The following TGFB1I1 variants were observed in gnomAD, a reference collection of about 807,000 sequenced individuals.
TGFB1I1 encodes the protein transforming growth factor beta-1-induced transcript 1 protein.
TGFB1I1 carries 33 observed loss-of-function variants against 52.0 expected under a neutral mutation model. That is an observed-to-expected ratio of 0.63 (90% CI 0.48 to 0.85). The LOEUF (loss-of-function observed/expected upper bound fraction) is 0.85, where lower values mean the gene tolerates loss of function less well. TGFB1I1 is among the 40% of genes least tolerant of loss of function. The probability of loss-of-function intolerance (pLI) is 0.00; values close to 1 mark genes in which losing one functional copy is unlikely to be tolerated. For missense variants in TGFB1I1, 577 were observed against 614.9 expected (o/e 0.94, Z 0.65); for synonymous variants, 236 against 253.3 (o/e 0.93, Z 0.65).
Position 31,473,486 on chromosome 16 carries a change from G to T in TGFB1I1, c.59G>T (p.Arg20Met), listed in dbSNP as rs138308548. ...DLETTTSHMP[R>M]SGAPKERPAE... ...GAGACTACCACCTCGCACATGCCAA[G>T]GTCAGGGGCTCCCAAAGAGCGCCCT... Residue 20 changes from arginine to methionine, a missense_variant, in exon 2 of 11, where the codon AGG becomes ATG. By Grantham distance (91) the Arg-to-Met change is moderately conservative. This residue lies in a region of TGFB1I1 where 113 missense variants were observed against 123.9 expected (regional missense o/e 0.91). Transcript: ENST00000394863. The T allele has an allele frequency of 7.7e-5, 124 of 1,613,792 alleles. No individual in the cohort carries two copies. The highest frequency in any genetic ancestry group is 1.0e-4 in the Non-Finnish European group (118 of 1,180,018).
Position 31,476,322 on chromosome 16 carries a change from C to A in TGFB1I1, c.888+137C>A. On this transcript the variant is annotated intron_variant, in intron 8 of 10. Coordinates refer to ENST00000394863, the MANE Select transcript of TGFB1I1 (RefSeq NM_001042454.3). This position sits in a 1 kb window ranked among gnomAD's most constrained non-coding sequence, Gnocchi z 7.6. ...CCCTTCCCCTTGGCAATGTCCACGG[C>A]CCCTTGGACTCCACTCTTCCTTTCT... The A allele has an allele frequency of 7.9e-7, 1 of 1,272,588 alleles. No homozygotes were observed. The highest frequency in any genetic ancestry group is 1.1e-6 in the Non-Finnish European group (1 of 924,878). 78.8% of individuals were successfully genotyped at this position (1,272,588 alleles called of 1,614,324 possible). A position where few individuals can be genotyped will look rare whatever the true frequency, so the allele number is the denominator to read the frequency against.
chr16:31,475,058 ATC>A, intron 7 of TGFB1I1: 5 of 381,482 alleles, frequency 1.3e-5, no homozygotes, highest in Non-Finnish European at 1.9e-5. Flanking sequence ...TCCACCCAAT[ATC>A]TCTCAGGCAT....
chr16:31,474,018 A>C lies in TGFB1I1; in HGVS notation c.325+41A>C. 3.7e-6 allele frequency: 3 copies of C among 816,688 alleles called. No individual in the cohort carries two copies. Among genetic ancestry groups the C allele is most frequent in the Non-Finnish European group, 5.9e-6 (3 of 507,070 alleles). 50.6% of individuals were successfully genotyped at this position (816,688 alleles called of 1,614,324 possible). On this transcript the variant is annotated intron_variant, in intron 4 of 10. Transcript: ENST00000394863. This position sits in a 1 kb window ranked among gnomAD's most constrained non-coding sequence, Gnocchi z 4.2. The stretch of plus-strand genomic sequence containing the variant: ...AGAGAGGCCTTGATGCGATAGGGGC[A>C]GGGGAGGGAAGGGTGGGGCAGAGAC...
In TGFB1I1 at chr16:31,477,627, G is replaced by A. The variant is rs1394887890; in HGVS notation, c.*51G>A. 1.3e-6 allele frequency: 2 copies of A among 1,533,476 alleles called. No individual in the cohort carries two copies. Among genetic ancestry groups the A allele is most frequent in the Middle Eastern group, 1.8e-4 (1 of 5,446 alleles). 95.0% of individuals were successfully genotyped at this position (1,533,476 alleles called of 1,614,324 possible). A position where few individuals can be genotyped will look rare whatever the true frequency, so the allele number is the denominator to read the frequency against. ...CCGGAGGCCGCGCCCTCCCGGAAAA[G>A]CCGGGTCCTCCAGACCCCGAGGCCT... On this transcript the variant is annotated 3_prime_UTR_variant, in exon 11 of 11. Coordinates refer to ENST00000394863, the MANE Select transcript of TGFB1I1 (RefSeq NM_001042454.3). This position sits in a 1 kb window ranked among gnomAD's most constrained non-coding sequence, Gnocchi z 4.7.
At position 31,473,884 on chromosome 16, in the gene TGFB1I1, C is replaced by T; in HGVS notation, c.232C>T (p.Pro78Ser). Residue 78 changes from proline (P) to serine (S), a missense_variant, in exon 4 of 11, where the codon CCA becomes TCA. Physicochemically the swap from Pro to Ser is moderately conservative, Grantham distance 74 (BLOSUM62 -1). Transcript: ENST00000394863. ...AAAGCCTGCAGCCCCGGCGGCCCCT[C>T]CATTCTCCTCTTCCAGCGGTGTCTT... Reference protein sequence around the residue: ...SPKPAAPAAPPFSSSSGVLGT... With the variant: ...SPKPAAPAAPSFSSSSGVLGT... 1 of 1,614,138 alleles carries T rather than the reference C, an allele frequency of 6.2e-7. No homozygotes were observed. The highest frequency in any genetic ancestry group is 8.5e-7 in the Non-Finnish European group (1 of 1,180,034).
Position 31,473,528 on chromosome 16 carries a change from C to G in TGFB1I1, c.101C>G (p.Pro34Arg). The stretch of plus-strand genomic sequence containing the variant: ...GAGCGCCCTGCGGAGCCTCTCACCC[C>G]TCCCCCATCCTATGGCCACCAGCCA... ...PKERPAEPLTPPPSYGHQPQT... is the reference protein window; with the variant it reads ...PKERPAEPLTRPPSYGHQPQT... The change falls in exon 2 of 11, where the codon CCT becomes CGT. Residue 34 changes from proline (P) to arginine (R), a missense_variant. Pro to Arg is a moderately radical substitution (Grantham distance 103). Around this residue, in one of 3 missense-constraint regions of TGFB1I1, gnomAD observed 113 missense variants for 123.9 expected, o/e 0.91. Coordinates refer to ENST00000394863, the MANE Select transcript of TGFB1I1 (RefSeq NM_001042454.3). 6.2e-6 allele frequency: 10 copies of G among 1,613,860 alleles called. No individual in the cohort carries two copies. The highest frequency in any genetic ancestry group is 8.5e-6 in the Non-Finnish European group (10 of 1,180,012).
In TGFB1I1 at chr16:31,474,666, TG is replaced by T; in HGVS notation, c.627del (p.Leu210CysfsTer31). ...PTGKGSLDTMLGLLQSDLSRR... is the reference protein window; with the variant it reads ...PTGKGSLDTMXGLLQSDLSRR... Reference sequence around the variant, plus strand: ...GGCAAGGGCAGCCTAGACACCATGCTGGGGCTGCTGCAGTCCGACCTCAGCC... The same window carrying T: ...GGCAAGGGCAGCCTAGACACCATGCTGGGCTGCTGCAGTCCGACCTCAGCC... On this transcript the variant is annotated frameshift_variant, in exon 7 of 11. Coordinates refer to ENST00000394863, the MANE Select transcript of TGFB1I1 (RefSeq NM_001042454.3). LOFTEE classifies it high-confidence loss of function. The surrounding 1 kb of genome is among the most constrained non-coding windows in gnomAD (Gnocchi z 4.2). The T allele has an allele frequency of 1.9e-6, 3 of 1,613,410 alleles. No homozygotes were observed. In the South Asian group the frequency reaches 3.3e-5, roughly 18 times the overall value.
Position 31,476,629 on chromosome 16 carries a change from C to T in TGFB1I1, c.970+67C>T. The T allele has an allele frequency of 1.3e-6, 2 of 1,538,218 alleles. No homozygotes were observed. The highest frequency in any genetic ancestry group is 8.9e-7 in the Non-Finnish European group (1 of 1,127,228). Reference sequence around the variant, plus strand: ...CCTCGACGTCTCGCCCCAGCCCCTCCGACCTCCGGAGTCCTCAGGGCCATG... The same window carrying T: ...CCTCGACGTCTCGCCCCAGCCCCTCTGACCTCCGGAGTCCTCAGGGCCATG... On this transcript the variant is annotated intron_variant, in intron 9 of 10. Coordinates refer to ENST00000394863, the MANE Select transcript of TGFB1I1 (RefSeq NM_001042454.3). This position sits in a 1 kb window ranked among gnomAD's most constrained non-coding sequence, Gnocchi z 7.6.
rs1332318094 is a variant in TGFB1I1, at chr16:31,477,734, C to G, written c.*158C>G. 9.8e-7 allele frequency: 1 copy of G among 1,020,434 alleles called. No homozygotes were observed. The highest frequency in any genetic ancestry group is 1.4e-6 in the Non-Finnish European group (1 of 724,702). 63.2% of individuals were successfully genotyped at this position (1,020,434 alleles called of 1,614,324 possible). ...AGTCCTCAGGGGTCAAGTTCAGAAA[C>G]GGCCCAGCCAGACCTAAACCCACAC... On this transcript the variant is annotated 3_prime_UTR_variant, in exon 11 of 11. Transcript: ENST00000394863. This position sits in a 1 kb window ranked among gnomAD's most constrained non-coding sequence, Gnocchi z 4.7.
rs2082432550 is a variant in TGFB1I1, at chr16:31,477,353, A to C, written c.1163A>C (p.Glu388Ala). ...PFSGGSFFEH[E>A]GRPLCENHFH... ...TCGGGAGGCAGCTTTTTCGAGCACG[A>C]GGGCCGCCCGTTGTGCGAGAACCAC... The change falls in exon 11 of 11, where the codon GAG (glutamate) becomes GCG (alanine). Residue 388 changes from glutamate to alanine, a missense_variant. Physicochemically the swap from Glu to Ala is moderately radical, Grantham distance 107 (BLOSUM62 -1). Coordinates refer to ENST00000394863, the MANE Select transcript of TGFB1I1 (RefSeq NM_001042454.3). The surrounding 1 kb of genome is among the most constrained non-coding windows in gnomAD (Gnocchi z 4.7). 1 of 1,611,470 alleles carries C rather than the reference A, an allele frequency of 6.2e-7. No individual in the cohort carries two copies. The highest frequency in any genetic ancestry group is 1.3e-5 in the African/African-American group (1 of 74,930).
chr16:31,473,913 T>A lies in TGFB1I1; in HGVS notation c.261T>A (p.Gly87=), dbSNP rs749937609. ...TCTCCTCTTCCAGCGGTGTCTTGGG[T>A]ACCGGGCTCTGTGAGCTAGATCGGT... ...PPFSSSSGVL[G]TGLCELDRLL... Residue 87 remains glycine, a synonymous_variant, in exon 4 of 11, where the codon GGT becomes GGA. Transcript: ENST00000394863. The A allele has an allele frequency of 6.2e-7, 1 of 1,614,072 alleles. No individual in the cohort carries two copies. The highest frequency in any genetic ancestry group is 8.5e-7 in the Non-Finnish European group (1 of 1,180,022).
In TGFB1I1 at chr16:31,477,474, C is replaced by T. The variant is rs1485818066; in HGVS notation, c.1284C>T (p.His428=). 2 of 1,604,712 alleles carry T rather than the reference C, an allele frequency of 1.2e-6. No homozygotes were observed. The highest frequency in any genetic ancestry group is 2.7e-5 in the African/African-American group (2 of 74,838). Residue 428 remains histidine (H), a synonymous_variant, in exon 11 of 11, where the codon CAC becomes CAT. Transcript: ENST00000394863. The surrounding 1 kb of genome is among the most constrained non-coding windows in gnomAD (Gnocchi z 4.7). ...SALGRRFHPD[H]FTCTFCLRPL... is the part of the protein sequence containing the mutation. ...TGGGTCGCCGCTTCCACCCGGACCA[C>T]TTCACATGCACCTTCTGCCTGCGCC... is the stretch of plus-strand genomic sequence containing the variant.
rs45574141 is a variant in TGFB1I1 at position 31,476,443 on chromosome 16, C to A, written c.889-38C>A. On this transcript the variant is annotated intron_variant, in intron 8 of 10. Coordinates refer to ENST00000394863, the MANE Select transcript of TGFB1I1 (RefSeq NM_001042454.3). This position sits in a 1 kb window ranked among gnomAD's most constrained non-coding sequence, Gnocchi z 7.6. ...CGCGCGGGAGAGGAAGGCGCGAAGG[C>A]ACGGAGGCCGCGCTGAGTGCCCTCT... 22 of 1,589,904 alleles carry A rather than the reference C, an allele frequency of 1.4e-5. No individual in the cohort carries two copies. In the East Asian group the frequency reaches 2.3e-4, roughly 16 times the overall value.
chr16:31,474,043 C>CT lies in TGFB1I1; in HGVS notation c.325+67dup. 1.2e-6 allele frequency: 2 copies of CT among 1,610,546 alleles called. No homozygotes were observed. The highest frequency in any genetic ancestry group is 1.7e-6 in the Non-Finnish European group (2 of 1,177,568). ...AGGGGAGGGAAGGGTGGGGCAGAGACTAAGAGGAATACACTTCCCAGAGTA... is the reference window on the plus strand; with the variant it reads ...AGGGGAGGGAAGGGTGGGGCAGAGACTTAAGAGGAATACACTTCCCAGAGTA... On this transcript the variant is annotated intron_variant, in intron 4 of 10. Transcript: ENST00000394863. The surrounding 1 kb of genome is among the most constrained non-coding windows in gnomAD (Gnocchi z 4.2).
rs2082434621 is a variant in TGFB1I1, at chr16:31,477,541, T to C, written c.1351T>C (p.Tyr451His). 1 of 1,609,322 alleles carries C rather than the reference T, an allele frequency of 6.2e-7. No homozygotes were observed. The highest frequency in any genetic ancestry group is 1.3e-5 in the African/African-American group (1 of 74,968). Residue 451 changes from tyrosine (Y) to histidine (H), a missense_variant, in exon 11 of 11, where the codon TAC becomes CAC. Tyr to His is a moderately conservative substitution (Grantham distance 83). This residue lies in a region of TGFB1I1 where 456 missense variants were observed against 461.6 expected (regional missense o/e 0.99). Transcript: ENST00000394863. This position sits in a 1 kb window ranked among gnomAD's most constrained non-coding sequence, Gnocchi z 4.7. ...GSFQERAGKP[Y>H]CQPCFLKLFG The stretch of plus-strand genomic sequence containing the variant: ...CTTCCAGGAGCGCGCCGGCAAGCCC[T>C]ACTGCCAGCCCTGCTTCCTGAAGCT...
chr16:31,477,021 CG>C lies in TGFB1I1; in HGVS notation c.1119+15del. The C allele has an allele frequency of 7.6e-7, 1 of 1,313,024 alleles. No homozygotes were observed. The highest frequency in any genetic ancestry group is 1.0e-6 in the Non-Finnish European group (1 of 990,656). 81.3% of individuals were successfully genotyped at this position (1,313,024 alleles called of 1,614,324 possible). A position where few individuals can be genotyped will look rare whatever the true frequency, so the allele number is the denominator to read the frequency against. ...TGTTTCGTCTGCAGGGTGCGAGCTG[CG>C]GGGCGGGGCGTTGGAGGGGCGGGTC... On this transcript the variant is annotated intron_variant, in intron 10 of 10. Transcript: ENST00000394863. The surrounding 1 kb of genome is among the most constrained non-coding windows in gnomAD (Gnocchi z 4.7).
Position 31,477,598 on chromosome 16 carries a change from TC to T in TGFB1I1, c.*27del. The stretch of plus-strand genomic sequence containing the variant: ...CTGACAGCCCGCTCGGCTCGCCCTC[TC>T]CCCCGGAGGCCGCGCCCTCCCGGAA... On this transcript the variant is annotated 3_prime_UTR_variant, in exon 11 of 11. Coordinates refer to ENST00000394863, the MANE Select transcript of TGFB1I1 (RefSeq NM_001042454.3). The surrounding 1 kb of genome is among the most constrained non-coding windows in gnomAD (Gnocchi z 4.7). The T allele has an allele frequency of 2.5e-6, 4 of 1,572,156 alleles. No homozygotes were observed.
chr16:31,476,049 A>C lies in TGFB1I1; in HGVS notation c.752A>C (p.His251Pro), dbSNP rs1305615319. 1 of 1,613,550 alleles carries C rather than the reference A, an allele frequency of 6.2e-7. No individual in the cohort carries two copies. Residue 251 changes from histidine to proline, a missense_variant, in exon 8 of 11, where the codon CAC becomes CCC. Around this residue, in one of 3 missense-constraint regions of TGFB1I1, gnomAD observed 456 missense variants for 461.6 expected, o/e 0.99. Coordinates refer to ENST00000394863, the MANE Select transcript of TGFB1I1 (RefSeq NM_001042454.3). This position sits in a 1 kb window ranked among gnomAD's most constrained non-coding sequence, Gnocchi z 7.6. ...TALGRAWHPE[H>P]FVCGGCSTAL... ...CTGGGCCGCGCCTGGCACCCCGAGC[A>C]CTTCGTTTGCGGAGGCTGTTCCACC...
Position 31,474,663 on chromosome 16 carries a change from T to C in TGFB1I1, c.620T>C (p.Met207Thr), listed in dbSNP as rs929634470. 3 of 1,613,266 alleles carry C rather than the reference T, an allele frequency of 1.9e-6. No homozygotes were observed. The highest frequency in any genetic ancestry group is 1.7e-6 in the Non-Finnish European group (2 of 1,179,884). ...EPTGKGSLDT[M>T]LGLLQSDLSR... is the part of the protein sequence containing the mutation. ...ACTGGCAAGGGCAGCCTAGACACCA[T>C]GCTGGGGCTGCTGCAGTCCGACCTC... The change falls in exon 7 of 11, where the codon ATG (methionine) becomes ACG (threonine). Residue 207 changes from methionine to threonine, a missense_variant. Met to Thr is a moderately conservative substitution (Grantham distance 81). Around this residue, in one of 3 missense-constraint regions of TGFB1I1, gnomAD observed 456 missense variants for 461.6 expected, o/e 0.99. Transcript: ENST00000394863. This position sits in a 1 kb window ranked among gnomAD's most constrained non-coding sequence, Gnocchi z 4.2.
Sources: gnomAD v4.1 joint callset for allele counts on GRCh38, gnomAD v4.1.1 for gene constraint, gnomAD v4.1.1 regional missense constraint, Gnocchi (gnomAD v3.1) non-coding constraint, MANE v1.5 for transcripts, NCBI Gene and HGNC (gene_info 2026-07-23, HGNC 2026-07-21) for gene names.